Variants in EFR3A observed in about 807,000 individuals in gnomAD.
EFR3A encodes EFR3 homolog A.
A neutral mutation model predicts 104.4 loss-of-function variants in EFR3A; 76 were observed. The ratio of observed to expected loss-of-function variants is 0.73; its 90% CI spans 0.60 to 0.88. The LOEUF is 0.88. Among genes scored for constraint, EFR3A ranks in the 40% least tolerant of loss-of-function variants. The pLI, the probability that EFR3A is intolerant of heterozygous loss-of-function variation, is 0.00. For missense variants in EFR3A, 985 were observed against 1,012.5 expected (o/e 0.97, Z 0.37); for synonymous variants, 330 against 330.0 (o/e 1.00, Z 0.00).
intron 22 of EFR3A, 110 bp downstream of exon 22, chr8:132,003,395 C>A: frequency 2.0e-6 from 2 of 1,000,986 alleles, no homozygotes; most frequent in African/African-American, 1.6e-5. Flanking sequence ...TAAAGTAATG[C>A]TTTTCATTTA....
chr8:131,921,929 G>A (rs1254507105), intron 1 of EFR3A, among the ~76,000 whole-genome samples: 1 of 152,072 alleles, frequency 6.6e-6, no homozygotes, highest in Non-Finnish European at 1.5e-5. Context: ...GTTTTCTAGG[G>A]CTACCGTAAC....
At chr8:131,996,284 C>A in intron 18 of EFR3A, 122 bp from the exon 19 acceptor site, 1 of 599,052 alleles carries the variant, frequency 1.7e-6, no homozygotes, top group Non-Finnish European at 2.7e-6. Context: ...TTAGAAGGAA[C>A]AAAAAAGACA....
At chr8:131,964,100 C>G (rs899520436) in intron 8 of EFR3A, among the ~76,000 whole-genome samples, 3 of 152,098 alleles carry the variant, frequency 2.0e-5, no homozygotes, top group Non-Finnish European at 4.4e-5. Context: ...CTATGACAAA[C>G]CCACAGCCAA....
chr8:131,960,909 T>C (rs1819281335), intron 8 of EFR3A, among the ~76,000 whole-genome samples: 1 of 152,178 alleles, frequency 6.6e-6, no homozygotes, highest in Non-Finnish European at 1.5e-5. Context: ...TCACCTGTAT[T>C]CACTGTTCTG....
intron 1 of EFR3A, among the ~76,000 whole-genome samples, chr8:131,911,913 A>G (rs752923569): frequency 3.3e-5 from 5 of 152,140 alleles, no homozygotes; most frequent in Non-Finnish European, 7.4e-5. Context: ...AGGTCAGGTA[A>G]TTTCTTTATG....
At chr8:131,949,154 A>G (rs940792671) in intron 4 of EFR3A, among the ~76,000 whole-genome samples, 2 of 152,238 alleles carry the variant, frequency 1.3e-5, no homozygotes, top group Admixed American at 1.3e-4. Context: ...TATAAATAAT[A>G]CATAATGGTA....
Position 131,968,160 on chromosome 8 carries a change from G to T in EFR3A, c.856-135G>T, listed in dbSNP as rs1379381478. On this transcript the variant is annotated intron_variant, in intron 8 of 22. Transcript: ENST00000254624. ...TTTAAAAGAATGGCTTTGTATTGTG[G>T]CTATTTATTGTCTCATAACATGACC... The T allele has an allele frequency of 1.3e-5, 9 of 687,228 alleles. No individual in the cohort carries two copies. The Admixed American group carries it at 2.6e-4, about 20-fold the overall frequency. 42.6% of individuals were successfully genotyped at this position (687,228 alleles called of 1,614,324 possible).
At chr8:131,957,556 T>C (rs894851950) in intron 7 of EFR3A, among the ~76,000 whole-genome samples, 2 of 152,022 alleles carry the variant, frequency 1.3e-5, no homozygotes, top group African/African-American at 4.8e-5. Flanking sequence ...CGCCATGTTG[T>C]TCAGGCTGGT....
At position 131,984,157 on chromosome 8, in the gene EFR3A, C is replaced by T. The variant is rs779475356; in HGVS notation, c.1594C>T (p.Arg532Trp). The T allele has an allele frequency of 1.7e-5, 27 of 1,607,378 alleles. No homozygotes were observed. Among genetic ancestry groups the T allele is most frequent in the Admixed American group, 1.0e-4 (6 of 58,882 alleles). ...TCCTCAGAATGGGCAACAGCTGTAT[C>T]GGCACATATATTTGGGTTGTAAAGA... ...FMKKNGQQLY[R>W]HIYLGCKEED... Residue 532 changes from arginine (R) to tryptophan (W), a missense_variant, in exon 15 of 23, where the codon CGG becomes TGG. Coordinates refer to ENST00000254624, the MANE Select transcript of EFR3A (RefSeq NM_015137.6).
intron 13 of EFR3A, 103 bp from the exon 14 acceptor site, chr8:131,979,243 C>A: frequency 2.9e-6 from 3 of 1,032,800 alleles, no homozygotes; most frequent in Non-Finnish European, 2.8e-6. Context: ...TCATTACATA[C>A]AGGCTTATCA....
intron 8 of EFR3A, among the ~76,000 whole-genome samples, chr8:131,962,965 G>A (rs1286017243): frequency 6.6e-6 from 1 of 151,838 alleles, no homozygotes; most frequent in African/African-American, 2.4e-5. Context: ...GCTCCTGAAT[G>A]ACTACTGGGT....
At chr8:131,925,065 T>TAA (rs1408353772) in intron 1 of EFR3A, among the ~76,000 whole-genome samples, 1 of 152,138 alleles carries the variant, frequency 6.6e-6, no homozygotes, top group East Asian at 1.9e-4. Context: ...TCTTAGTTCC[T>TAA]TAGTCTAACC....
At chr8:131,925,816 T>C (rs1242534634) in intron 1 of EFR3A, among the ~76,000 whole-genome samples, 1 of 152,184 alleles carries the variant, frequency 6.6e-6, no homozygotes, top group Non-Finnish European at 1.5e-5. Context: ...CCTGATCCTG[T>C]GTTTTCCTTC....
intron 19 of EFR3A, among the ~76,000 whole-genome samples, chr8:131,997,927 C>A (rs1171831108): frequency 6.6e-6 from 1 of 152,014 alleles, no homozygotes; most frequent in Non-Finnish European, 1.5e-5. Context: ...CATAAAGACT[C>A]AATGTAGGGG....
In EFR3A at chr8:131,918,026, C is replaced by T. The variant is rs1021529937; in HGVS notation, c.10+13704C>T. Among the ~76,000 whole-genome samples the T allele has an allele frequency of 2.6e-5, 4 of 152,176 alleles. No homozygotes were observed. In the East Asian group the frequency reaches 7.7e-4, roughly 29 times the overall value. Reference sequence around the variant, plus strand: ...AATAGGGGCCTGGCACAGTGGCTCACTCCTGTAATCCTAGCACTTTGGAAG... The same window carrying T: ...AATAGGGGCCTGGCACAGTGGCTCATTCCTGTAATCCTAGCACTTTGGAAG... On this transcript the variant is annotated intron_variant, in intron 1 of 22. Coordinates refer to ENST00000254624, the MANE Select transcript of EFR3A (RefSeq NM_015137.6).
intron 1 of EFR3A, among the ~76,000 whole-genome samples, chr8:131,908,675 T>C (rs1816371012): frequency 6.6e-6 from 1 of 152,048 alleles, no homozygotes; most frequent in Admixed American, 6.6e-5. Flanking sequence ...ACTAGATGGG[T>C]CTGACCTCTT....
intron 1 of EFR3A, among the ~76,000 whole-genome samples, chr8:131,924,926 A>G (rs138902970): frequency 2.1e-4 from 32 of 152,226 alleles, no homozygotes; most frequent in Non-Finnish European, 4.4e-4. Context: ...TTCTTGTTAG[A>G]TAATATTTTC....
At chr8:132,005,750 GA>G (rs1380566888) in intron 22 of EFR3A, among the ~76,000 whole-genome samples, 1 of 152,074 alleles carries the variant, frequency 6.6e-6, no homozygotes, top group Non-Finnish European at 1.5e-5. Flanking sequence ...TATAAGATTT[GA>G]ACCATTTCAG....
chr8:131,904,312 C>T lies in EFR3A; in HGVS notation c.-1C>T. The T allele has an allele frequency of 7.9e-7, 1 of 1,262,738 alleles. No homozygotes were observed. The highest frequency in any genetic ancestry group is 1.0e-6 in the Non-Finnish European group (1 of 1,003,274). The allele number at this position is 1,262,738 out of a possible 1,614,324, so 78.2% of individuals were successfully genotyped here. On this transcript the variant is annotated 5_prime_UTR_variant, in exon 1 of 23. Transcript: ENST00000254624. ...CGGCGGCGAGCGCGGTCGAGATCGC[C>T]ATGCCTACCCGTGAGTGGCCGGCCG...
Sources: gnomAD v4.1 joint callset for allele counts (sites outside exome capture counted in the v4.1 genomes callset) on GRCh38, gnomAD v4.1.1 for gene constraint, MANE v1.5 for transcripts, NCBI Gene and HGNC (gene_info 2026-07-23, HGNC 2026-07-21) for gene names.